ZBTB7C: variants seen among roughly 807,000 people sequenced by gnomAD.
The protein encoded by ZBTB7C is zinc finger and BTB domain-containing protein 7C.
In ZBTB7C, 8 loss-of-function variants were observed where a neutral mutation model predicts 25.7. The observed-to-expected ratio is 0.31, with a 90% confidence interval of 0.18 to 0.56. ZBTB7C has a LOEUF of 0.56. Ranked by LOEUF, ZBTB7C falls within the 20% of genes least tolerant of loss-of-function variation. The pLI is 0.91. For synonymous variants in ZBTB7C, 394 were observed against 369.0 expected (o/e 1.07, Z -0.78); for missense variants, 824 against 855.2 (o/e 0.96, Z 0.46).
chr18:48,082,510 T>C (rs769082656), intron 3 of ZBTB7C, among the ~76,000 whole-genome samples: 1 of 151,890 alleles, frequency 6.6e-6, no homozygotes, highest in Non-Finnish European at 1.5e-5. Context: ...AGGTAGGAGG[T>C]GTGTGCAGGC....
chr18:48,219,475 C>A (rs2042901095), intron 2 of ZBTB7C, among the ~76,000 whole-genome samples: 1 of 152,234 alleles, frequency 6.6e-6, no homozygotes, highest in Non-Finnish European at 1.5e-5. Flanking sequence ...TTCCCACATT[C>A]CAGGTGGGGA....
chr18:48,201,514 A>T (rs1052929142), intron 2 of ZBTB7C, among the ~76,000 whole-genome samples: 1 of 151,726 alleles, frequency 6.6e-6, no homozygotes, highest in Non-Finnish European at 1.5e-5. Context: ...GAGCCCAGTG[A>T]CTCATGGCAT....
At chr18:48,403,078 C>T (rs1277484513) in intron 1 of ZBTB7C, among the ~76,000 whole-genome samples, 3 of 152,154 alleles carry the variant, frequency 2.0e-5, no homozygotes, top group Non-Finnish European at 4.4e-5. Flanking sequence ...GACAGCTGTC[C>T]ACAGCTGTTC....
intron 2 of ZBTB7C, among the ~76,000 whole-genome samples, chr18:48,240,668 C>G (rs1019027215): frequency 6.6e-6 from 1 of 152,126 alleles, no homozygotes; most frequent in Non-Finnish European, 1.5e-5. Context: ...CCACTCCAAG[C>G]CAGCACTACA....
chr18:48,166,973 A>T (rs2041269810), intron 3 of ZBTB7C, among the ~76,000 whole-genome samples: 1 of 151,752 alleles, frequency 6.6e-6, no homozygotes, highest in African/African-American at 2.4e-5. Context: ...TCTGACCTCA[A>T]CCTCAGCTGG....
At chr18:48,368,727 A>G (rs2047313649) in intron 1 of ZBTB7C, among the ~76,000 whole-genome samples, 1 of 152,148 alleles carries the variant, frequency 6.6e-6, no homozygotes. Flanking sequence ...TAGGGGAAAA[A>G]CAATTAGGAG....
At chr18:48,382,205 C>T (rs183863063) in intron 1 of ZBTB7C, among the ~76,000 whole-genome samples, 9 of 152,254 alleles carry the variant, frequency 5.9e-5, no homozygotes, top group Admixed American at 3.3e-4. Context: ...GCCATTTACA[C>T]ATGTGATTTA....
At chr18:48,141,339 C>T (rs771192107) in intron 3 of ZBTB7C, among the ~76,000 whole-genome samples, 21 of 152,096 alleles carry the variant, frequency 1.4e-4, no homozygotes, top group Non-Finnish European at 2.1e-4. Context: ...GATTCATGCT[C>T]GCATTGATTT....
intron 1 of ZBTB7C, among the ~76,000 whole-genome samples, chr18:48,394,454 C>T (rs1335110716): frequency 6.6e-6 from 1 of 152,116 alleles, no homozygotes; most frequent in Admixed American, 6.5e-5. Context: ...GGGACCCGAA[C>T]CAGGGAAAGA....
intron 3 of ZBTB7C, among the ~76,000 whole-genome samples, chr18:48,049,766 C>T (rs927082808): frequency 1.3e-5 from 2 of 152,198 alleles, no homozygotes; most frequent in Admixed American, 1.3e-4. Flanking sequence ...CATTGCTTTC[C>T]TGCCCTTCAA....
chr18:48,207,538 AATCATCT>A (rs2042603404), intron 2 of ZBTB7C, among the ~76,000 whole-genome samples: 1 of 152,180 alleles, frequency 6.6e-6, no homozygotes, highest in South Asian at 2.1e-4. Context: ...ATTATCTATC[AATCATCT>A]ATCATCTATC....
intron 3 of ZBTB7C, among the ~76,000 whole-genome samples, chr18:48,174,443 T>C (rs1220986601): frequency 6.6e-6 from 1 of 152,252 alleles, no homozygotes; most frequent in African/African-American, 2.4e-5. Context: ...GACAATAACG[T>C]CTGTTGGCAA....
intron 3 of ZBTB7C, among the ~76,000 whole-genome samples, chr18:48,059,852 C>G (rs1200425118): frequency 1.3e-5 from 2 of 152,124 alleles, no homozygotes. Flanking sequence ...GCCTCCTGGT[C>G]CCCAGTCCCC....
intron 3 of ZBTB7C, among the ~76,000 whole-genome samples, chr18:48,115,347 C>A (rs951221819): frequency 5.3e-5 from 8 of 152,164 alleles, no homozygotes; most frequent in Non-Finnish European, 1.2e-4. Flanking sequence ...CTCCTGGGTT[C>A]ATGCCATTCT....
At chr18:48,060,695 T>C (rs1286055252) in intron 3 of ZBTB7C, among the ~76,000 whole-genome samples, 2 of 152,184 alleles carry the variant, frequency 1.3e-5, no homozygotes, top group Non-Finnish European at 2.9e-5. Flanking sequence ...CCAGGAAACC[T>C]TCCTGAATTA....
At chr18:48,081,663 C>T (rs772651954) in intron 3 of ZBTB7C, among the ~76,000 whole-genome samples, 6 of 152,052 alleles carry the variant, frequency 3.9e-5, no homozygotes, top group East Asian at 1.9e-4. Context: ...CAGATCTTAA[C>T]GTGCCTCCTG....
At chr18:48,212,896 C>T (rs2042735283) in intron 2 of ZBTB7C, among the ~76,000 whole-genome samples, 1 of 152,074 alleles carries the variant, frequency 6.6e-6, no homozygotes, top group Admixed American at 6.5e-5. Flanking sequence ...TGCTGAAAAC[C>T]CTCCTCTGCC....
chr18:48,217,893 T>G (rs1438674750), intron 2 of ZBTB7C, among the ~76,000 whole-genome samples: 1 of 152,054 alleles, frequency 6.6e-6, no homozygotes, highest in Non-Finnish European at 1.5e-5. Flanking sequence ...TAGAGAACAA[T>G]GTGCTCACAA....
intron 3 of ZBTB7C, among the ~76,000 whole-genome samples, chr18:48,128,843 C>T (rs2039892165): frequency 6.7e-6 from 1 of 150,028 alleles, no homozygotes; most frequent in Non-Finnish European, 1.5e-5. Flanking sequence ...CCACTTGTAC[C>T]CTAAAAGCTA....
Sources: gnomAD v4.1 joint callset for allele counts (sites outside exome capture counted in the v4.1 genomes callset) on GRCh38, gnomAD v4.1.1 for gene constraint, MANE v1.5 for transcripts, NCBI Gene and HGNC (gene_info 2026-07-23, HGNC 2026-07-21) for gene names.